LINGO1: variants seen among roughly 807,000 people sequenced by gnomAD.
The protein encoded by LINGO1 is leucine rich repeat and Ig domain containing 1.
Under a neutral mutation model 37.3 loss-of-function variants are expected in LINGO1, and 11 were observed. The ratio of observed to expected loss-of-function variants is 0.29; its 90% CI spans 0.19 to 0.49. The LOEUF (loss-of-function observed/expected upper bound fraction) is 0.49, where lower values mean the gene tolerates loss of function less well. Among genes scored for constraint, LINGO1 ranks in the 20% least tolerant of loss-of-function variants. The probability of loss-of-function intolerance (pLI) is 0.99; values close to 1 mark genes in which losing one functional copy is unlikely to be tolerated. For synonymous variants in LINGO1, 387 were observed against 403.0 expected, an observed-to-expected ratio of 0.96 and a Z score of 0.48; for missense variants, 585 against 878.2, an observed-to-expected ratio of 0.67 and a Z score of 4.22.
At chr15:77,619,236 T>G (rs1382685290) in intron 1 of LINGO1, among the ~76,000 whole-genome samples, 3 of 152,020 alleles carry the variant, frequency 2.0e-5, no homozygotes, top group Non-Finnish European at 4.4e-5. Flanking sequence ...CAGAGTGAAG[T>G]GTGACACAGA....
intron 2 of LINGO1, among the ~76,000 whole-genome samples, chr15:77,683,728 T>G (rs2075455780): frequency 6.6e-6 from 1 of 152,206 alleles, no homozygotes; most frequent in East Asian, 1.9e-4. Context: ...CAGTGGGACA[T>G]GGGCAGAGTG....
intron 2 of LINGO1, among the ~76,000 whole-genome samples, chr15:77,689,604 G>A (rs2075569350): frequency 6.6e-6 from 1 of 152,192 alleles, no homozygotes; most frequent in Non-Finnish European, 1.5e-5. Flanking sequence ...TCCATGTGGG[G>A]GGTGGGAAGG....
At chr15:77,747,967 G>T (rs2076331546) in intron 1 of LINGO1, among the ~76,000 whole-genome samples, 1 of 152,260 alleles carries the variant, frequency 6.6e-6, no homozygotes, top group African/African-American at 2.4e-5. Flanking sequence ...TGGGTCAGGG[G>T]TCAGGTGGTT....
intron 1 of LINGO1, among the ~76,000 whole-genome samples, chr15:77,806,917 C>A (rs2076964826): frequency 6.6e-6 from 1 of 152,106 alleles, no homozygotes; most frequent in Non-Finnish European, 1.5e-5. Flanking sequence ...GCATGAGTGT[C>A]CTGCTTGGAA....
Position 77,711,790 on chromosome 15 carries a change from CACTG to C in LINGO1, c.-194-20893_-194-20890del, listed in dbSNP as rs1186250972. Among the ~76,000 whole-genome samples, 4 of 152,314 alleles carry C rather than the reference CACTG, an allele frequency of 2.6e-5. No individual in the cohort carries two copies. The South Asian group carries it at 8.3e-4, about 32-fold the overall frequency. On this transcript the variant is annotated intron_variant, in intron 2 of 3. Coordinates refer to the LINGO1 transcript ENST00000561686. ...CTCTGGAATCCAGCCTCCACCACAC[CACTG>C]ACTTTCAAGCAGACCCTCTGAACGC...
Position 77,632,354 on chromosome 15 carries a change from T to C in LINGO1, c.-39A>G. On this transcript the variant is annotated 5_prime_UTR_variant, in exon 1 of 2. Transcript: ENST00000355300. The surrounding 1 kb of genome is among the most constrained non-coding windows in gnomAD (Gnocchi z 6.0). ...TCGGTCCGCTCGGCTCGGTCACCAATCGCATGTCTCTCCAGCCGGCCCGAC... is the reference window on the plus strand; with the variant it reads ...TCGGTCCGCTCGGCTCGGTCACCAACCGCATGTCTCTCCAGCCGGCCCGAC... 1 of 1,412,000 alleles carries C rather than the reference T, an allele frequency of 7.1e-7. No homozygotes were observed. Among genetic ancestry groups the C allele is most frequent in the Non-Finnish European group, 9.3e-7 (1 of 1,080,652 alleles). 87.5% of individuals were successfully genotyped at this position (1,412,000 alleles called of 1,614,324 possible).
At chr15:77,787,772 C>G (rs1424395027), upstream of LINGO1, 6 of 152,174 alleles carry the variant, frequency 3.9e-5, 1 homozygote, top group East Asian at 1.2e-3. Flanking sequence ...TTCAGAAGAG[C>G]CTCTTGATTG....
chr15:77,811,656 C>T (rs1305297757), intron 1 of LINGO1, among the ~76,000 whole-genome samples: 1 of 152,218 alleles, frequency 6.6e-6, no homozygotes, highest in Non-Finnish European at 1.5e-5. Flanking sequence ...CTTCAGAGGC[C>T]TCAGTCCGCT....
At chr15:77,672,047 A>C (rs1287755451) in intron 3 of LINGO1, among the ~76,000 whole-genome samples, 1 of 143,512 alleles carries the variant, frequency 7.0e-6, no homozygotes, top group Non-Finnish European at 1.5e-5. Flanking sequence ...GAGGCCAAGC[A>C]CATGGGTACA....
chr15:77,674,560 C>T (rs2075300024), intron 3 of LINGO1, among the ~76,000 whole-genome samples: 1 of 152,154 alleles, frequency 6.6e-6, no homozygotes, highest in Non-Finnish European at 1.5e-5. Context: ...ACCAACCAGC[C>T]TTCTTGCCAT....
intron 3 of LINGO1, among the ~76,000 whole-genome samples, chr15:77,639,993 T>C (rs976627023): frequency 6.6e-6 from 1 of 152,206 alleles, no homozygotes; most frequent in Non-Finnish European, 1.5e-5. Flanking sequence ...AGCAACGCTA[T>C]GGGCTCCCTT....
intron 1 of LINGO1, among the ~76,000 whole-genome samples, chr15:77,631,848 A>C (rs1158708173): frequency 6.6e-6 from 1 of 152,126 alleles, no homozygotes; most frequent in East Asian, 1.9e-4. Context: ...TCCAGGCTGG[A>C]GCTTGTGGAG....
At chr15:77,727,737 A>C (rs1220217161) in intron 2 of LINGO1, among the ~76,000 whole-genome samples, 1 of 149,120 alleles carries the variant, frequency 6.7e-6, no homozygotes, top group African/African-American at 2.5e-5. Flanking sequence ...TTTTTTTTTT[A>C]CCATAATTTA....
intron 2 of LINGO1, chr15:77,707,254 C>T (rs1204465407): frequency 6.6e-6 from 1 of 152,224 alleles, no homozygotes; most frequent in Non-Finnish European, 1.5e-5. Context: ...AAGTCTGCTC[C>T]ACCCCACATT....
At chr15:77,767,737 G>A (rs1054661713) in intron 1 of LINGO1, among the ~76,000 whole-genome samples, 2 of 152,174 alleles carry the variant, frequency 1.3e-5, no homozygotes, top group Non-Finnish European at 2.9e-5. Context: ...TTTTCAAAAA[G>A]CCTCTCTCCA....
At chr15:77,803,322 C>A (rs1023001589) in intron 1 of LINGO1, among the ~76,000 whole-genome samples, 1 of 152,126 alleles carries the variant, frequency 6.6e-6, no homozygotes, top group African/African-American at 2.4e-5. Context: ...GTGGCACACA[C>A]CTCTAGTCCC....
chr15:77,749,799 A>C (rs1178776530), intron 1 of LINGO1, among the ~76,000 whole-genome samples: 2 of 152,186 alleles, frequency 1.3e-5, no homozygotes, highest in Non-Finnish European at 2.9e-5. Context: ...TCTCTCTGCC[A>C]ATAAGCTGAG....
chr15:77,647,901 C>T (rs762171817), intron 3 of LINGO1: 1 of 456,676 alleles, frequency 2.2e-6, no homozygotes, highest in Non-Finnish European at 4.4e-6. Context: ...TTTCTGGCTA[C>T]GTTGCACATT....
chr15:77,642,051 C>T (rs1018568291), intron 3 of LINGO1: 1 of 451,008 alleles, frequency 2.2e-6, no homozygotes, highest in Non-Finnish European at 4.5e-6. Flanking sequence ...GTTCTAAGAG[C>T]ATATGCGTGT....
Sources: allele counts gnomAD v4.1 joint callset (sites outside exome capture counted in the v4.1 genomes callset), GRCh38; gene constraint gnomAD v4.1.1; non-coding constraint Gnocchi (gnomAD v3.1); transcripts MANE v1.5; gene names NCBI Gene and HGNC (gene_info 2026-07-23, HGNC 2026-07-21).